Variants in NELL1 observed in about 807,000 individuals in gnomAD.
NELL1 encodes neural EGFL like 1, also known as protein kinase C-binding protein NELL1.
Under a neutral mutation model 107.4 loss-of-function variants are expected in NELL1, and 76 were observed. The ratio of observed to expected loss-of-function variants is 0.71; its 90% CI spans 0.59 to 0.86. The LOEUF is 0.86. Ranked by LOEUF, NELL1 falls within the 40% of genes least tolerant of loss-of-function variation. The pLI, the probability that NELL1 is intolerant of heterozygous loss-of-function variation, is 0.00. For synonymous variants in NELL1, 353 were observed against 341.2 expected (o/e 1.03, Z -0.38); for missense variants, 1,024 against 1,005.5 (o/e 1.02, Z -0.25).
At chr11:20,794,476 A>G (rs1404665140) in intron 3 of NELL1, among the ~76,000 whole-genome samples, 1 of 152,228 alleles carries the variant, frequency 6.6e-6, no homozygotes, top group Non-Finnish European at 1.5e-5. Context: ...TTCACATGGA[A>G]TACATTGTAC....
At chr11:20,947,465 G>T (rs375838733) in intron 11 of NELL1, 30 bp downstream of exon 11, 1 of 1,531,510 alleles carries the variant, frequency 6.5e-7, no homozygotes, top group South Asian at 1.1e-5. Context: ...GGCCATGCGT[G>T]GGGTGAGGCT....
chr11:21,371,077 T>C, intron 15 of NELL1, 129 bp downstream of exon 15: 1 of 687,078 alleles, frequency 1.5e-6, no homozygotes. Flanking sequence ...TGACGGTGGA[T>C]GGAGCTCTCC....
At chr11:21,069,335 C>A (rs147975104) in intron 12 of NELL1, among the ~76,000 whole-genome samples, 1 of 152,138 alleles carries the variant, frequency 6.6e-6, no homozygotes. Flanking sequence ...TGTTCTTCAA[C>A]TCTTTTGAAT....
chr11:21,055,573 GA>G (rs1425225901), intron 12 of NELL1, among the ~76,000 whole-genome samples: 1 of 152,056 alleles, frequency 6.6e-6, no homozygotes, highest in Non-Finnish European at 1.5e-5. Flanking sequence ...AATATGAATA[GA>G]AACCTTCTTT....
At chr11:21,273,503 C>A in intron 14 of NELL1, among the ~76,000 whole-genome samples, 1 of 152,140 alleles carries the variant, frequency 6.6e-6, no homozygotes. Flanking sequence ...AGGAGAACTT[C>A]CCCAATCTAG....
intron 2 of NELL1, among the ~76,000 whole-genome samples, chr11:20,737,163 C>T (rs1202005694): frequency 6.6e-6 from 1 of 152,022 alleles, no homozygotes; most frequent in Non-Finnish European, 1.5e-5. Context: ...TCTCCTCATT[C>T]TAGAGCTCAC....
intron 16 of NELL1, among the ~76,000 whole-genome samples, chr11:21,537,706 A>G (rs1391143947): frequency 6.6e-6 from 1 of 152,158 alleles, no homozygotes; most frequent in African/African-American, 2.4e-5. Context: ...CTAAGATAAT[A>G]TAGTCAAAGA....
intron 15 of NELL1, among the ~76,000 whole-genome samples, chr11:21,477,348 A>T (rs966962587): frequency 2.0e-5 from 3 of 152,044 alleles, no homozygotes; most frequent in African/African-American, 7.2e-5. Flanking sequence ...AGAGAGAGAG[A>T]CTCAATTTAT....
intron 4 of NELL1, among the ~76,000 whole-genome samples, chr11:20,871,335 G>T (rs2134087645): frequency 6.6e-6 from 1 of 152,236 alleles, no homozygotes; most frequent in Non-Finnish European, 1.5e-5. Context: ...AGAATATTCA[G>T]CTCGCCTTAA....
intron 3 of NELL1, among the ~76,000 whole-genome samples, chr11:20,837,497 G>A (rs1004318543): frequency 2.6e-5 from 4 of 152,144 alleles, no homozygotes; most frequent in African/African-American, 4.8e-5. Flanking sequence ...GTAGCCATGA[G>A]CACACATAGT....
At chr11:21,015,878 A>G (rs1300904238) in intron 12 of NELL1, among the ~76,000 whole-genome samples, 1 of 152,056 alleles carries the variant, frequency 6.6e-6, no homozygotes, top group Non-Finnish European at 1.5e-5. Context: ...TCATCCTTGC[A>G]TTGTGACCGT....
chr11:20,926,659 G>T (rs960384313), intron 7 of NELL1, among the ~76,000 whole-genome samples: 3 of 152,140 alleles, frequency 2.0e-5, no homozygotes, highest in African/African-American at 7.2e-5. Flanking sequence ...TATTGGCAAT[G>T]ACTGGGTGGC....
At chr11:21,445,224 T>G (rs2133850973) in intron 15 of NELL1, among the ~76,000 whole-genome samples, 1 of 152,332 alleles carries the variant, frequency 6.6e-6, no homozygotes, top group Admixed American at 6.5e-5. Flanking sequence ...ATAGCAGTGT[T>G]ATAATATCCT....
chr11:21,249,418 C>T lies in NELL1; in HGVS notation c.1549+19964C>T, dbSNP rs1049370485. Among the ~76,000 whole-genome samples the T allele has an allele frequency of 4.6e-5, 7 of 151,472 alleles. No individual in the cohort carries two copies. The South Asian group carries it at 1.3e-3, about 27-fold the overall frequency. Reference sequence around the variant, plus strand: ...GGTTTTTTTTTCTTATTCACTAAAACAGTTACTTATTTTTTTTTTCATATT... The same window carrying T: ...GGTTTTTTTTTCTTATTCACTAAAATAGTTACTTATTTTTTTTTTCATATT... On this transcript the variant is annotated intron_variant, in intron 14 of 19. Coordinates refer to ENST00000357134, the MANE Select transcript of NELL1 (RefSeq NM_006157.5).
At chr11:21,131,772 G>A (rs918263663) in intron 13 of NELL1, among the ~76,000 whole-genome samples, 3 of 152,162 alleles carry the variant, frequency 2.0e-5, no homozygotes, top group African/African-American at 4.8e-5. Flanking sequence ...TTAAAAGAAT[G>A]TGTGAACATC....
chr11:21,279,526 G>A (rs1296714353), intron 14 of NELL1, among the ~76,000 whole-genome samples: 1 of 152,188 alleles, frequency 6.6e-6, no homozygotes, highest in East Asian at 1.9e-4. Context: ...TGTTATTAAG[G>A]AACTACAAAC....
chr11:21,564,247 G>A (rs923533418), intron 17 of NELL1, among the ~76,000 whole-genome samples: 3 of 151,972 alleles, frequency 2.0e-5, no homozygotes, highest in African/African-American at 7.2e-5. Context: ...GAGGAGTAAA[G>A]ATGAAAACCT....
At chr11:20,678,127 A>G (rs1398745026) in intron 2 of NELL1, 67 bp downstream of exon 2, 2 of 1,570,716 alleles carry the variant, frequency 1.3e-6, no homozygotes, top group East Asian at 4.5e-5. Flanking sequence ...GGGAGTGCTC[A>G]TTTGTTGTGT....
intron 12 of NELL1, among the ~76,000 whole-genome samples, chr11:20,982,166 T>C (rs549631724): frequency 6.6e-6 from 1 of 152,220 alleles, no homozygotes; most frequent in Non-Finnish European, 1.5e-5. Flanking sequence ...TATCCAAGAA[T>C]CTGTAACATA....
Sources: gnomAD v4.1 joint callset for allele counts (sites outside exome capture counted in the v4.1 genomes callset) on GRCh38, gnomAD v4.1.1 for gene constraint, MANE v1.5 for transcripts, NCBI Gene and HGNC (gene_info 2026-07-23, HGNC 2026-07-21) for gene names.